The following DNER variants were observed in gnomAD, a reference collection of about 807,000 sequenced individuals.
DNER encodes the protein delta/notch like EGF repeat containing.
Under a neutral mutation model 78.2 loss-of-function variants are expected in DNER, and 33 were observed. That is an observed-to-expected ratio of 0.42 (90% CI 0.32 to 0.56). The LOEUF is 0.56. DNER is among the 20% of genes least tolerant of loss of function. The pLI, the probability that DNER is intolerant of heterozygous loss-of-function variation, is 0.11. For synonymous variants in DNER, 417 were observed against 384.8 expected (o/e 1.08, Z -0.98); for missense variants, 918 against 975.3 (o/e 0.94, Z 0.78).
chr2:229,447,233 G>A, intron 8 of DNER, 83 bp downstream of exon 8: 3 of 1,355,474 alleles, frequency 2.2e-6, no homozygotes, highest in Non-Finnish European at 3.0e-6. Context: ...AGTATACCAA[G>A]ATGCAAAAGA....
At chr2:229,442,125 A>G (rs1219033666) in intron 8 of DNER, among the ~76,000 whole-genome samples, 3 of 152,194 alleles carry the variant, frequency 2.0e-5, no homozygotes, top group Non-Finnish European at 2.9e-5. Context: ...CAGGATTAGG[A>G]TCTGGAGGAA....
At chr2:229,456,928 A>T (rs1694587565) in intron 7 of DNER, among the ~76,000 whole-genome samples, 1 of 152,112 alleles carries the variant, frequency 6.6e-6, no homozygotes, top group African/African-American at 2.4e-5. Context: ...AAGAAAAAAA[A>T]AGACATGATA....
At chr2:229,499,385 C>T (rs1287657883) in intron 6 of DNER, among the ~76,000 whole-genome samples, 2 of 143,968 alleles carry the variant, frequency 1.4e-5, no homozygotes, top group East Asian at 2.0e-4. Flanking sequence ...GCAGAGGTCA[C>T]AGTGAGCCAA....
intron 6 of DNER, among the ~76,000 whole-genome samples, chr2:229,477,929 A>G (rs1695071270): frequency 6.6e-6 from 1 of 152,246 alleles, no homozygotes. Context: ...GTGAGGAAAT[A>G]AGGATGTAAA....
At position 229,361,028 on chromosome 2, in the gene DNER, G is replaced by A. The variant is rs140285156; in HGVS notation, c.2103-2377C>T. 3.6e-3 allele frequency among the ~76,000 whole-genome samples: 545 copies of A among 152,286 alleles called. 3 individuals are homozygous for A. Among genetic ancestry groups the A allele is most frequent in the African/African-American group, 0.013 (527 of 41,550 alleles). ...CAAATTCCTTAGGAGAATTTTGGAGGTTTCCACCTGAAATGCTGTATCTAC... is the reference window on the plus strand; with the variant it reads ...CAAATTCCTTAGGAGAATTTTGGAGATTTCCACCTGAAATGCTGTATCTAC... On this transcript the variant is annotated intron_variant, in intron 12 of 12. Coordinates refer to ENST00000341772, the MANE Select transcript of DNER (RefSeq NM_139072.4).
rs560142885 is a variant in DNER, at chr2:229,694,993, G to A, written c.276+19155C>T. Among the ~76,000 whole-genome samples, 264 of 152,218 alleles carry A rather than the reference G, an allele frequency of 1.7e-3. 2 individuals are homozygous for A. The highest frequency in any genetic ancestry group is 1.0e-4 in the Non-Finnish European group (7 of 68,000). ...AGTTCCCATAATCCCCATATGTTAC[G>A]GGAGGGCCCCCCCTGCTGCTCTTTT... On this transcript the variant is annotated intron_variant, in intron 1 of 12. Coordinates refer to ENST00000341772, the MANE Select transcript of DNER (RefSeq NM_139072.4).
At chr2:229,358,737 A>T in intron 12 of DNER, 86 bp from the exon 13 acceptor site, 1 of 1,061,432 alleles carries the variant, frequency 9.4e-7, no homozygotes, top group Non-Finnish European at 1.4e-6. Flanking sequence ...ATTTATATGC[A>T]TGAATTAAAT....
intron 11 of DNER, among the ~76,000 whole-genome samples, chr2:229,374,766 T>A (rs1692561217): frequency 3.9e-5 from 6 of 152,024 alleles, no homozygotes; most frequent in Admixed American, 3.9e-4. Flanking sequence ...TAGAAATCAA[T>A]GTAATGGGGC....
chr2:229,652,756 T>C (rs1291680675), intron 1 of DNER, among the ~76,000 whole-genome samples: 1 of 152,164 alleles, frequency 6.6e-6, no homozygotes, highest in African/African-American at 2.4e-5. Flanking sequence ...GGTGTGGAAA[T>C]ACAGGAATCA....
chr2:229,629,958 C>T (rs1040218731), intron 1 of DNER, among the ~76,000 whole-genome samples: 4 of 152,200 alleles, frequency 2.6e-5, no homozygotes, highest in Admixed American at 2.6e-4. Flanking sequence ...GAAAATATGT[C>T]TCAAATTAGG....
At chr2:229,624,553 C>A (rs1698304820) in intron 1 of DNER, among the ~76,000 whole-genome samples, 1 of 151,840 alleles carries the variant, frequency 6.6e-6, no homozygotes, top group South Asian at 2.1e-4. Flanking sequence ...TTCTCCAAAA[C>A]CAGAAATACA....
intron 6 of DNER, among the ~76,000 whole-genome samples, chr2:229,512,167 G>A (rs962383421): frequency 6.6e-6 from 1 of 152,188 alleles, no homozygotes; most frequent in Non-Finnish European, 1.5e-5. Context: ...TGGATCACCT[G>A]AGGTCAGAAG....
intron 1 of DNER, among the ~76,000 whole-genome samples, chr2:229,710,809 A>C (rs532595244): frequency 7.9e-5 from 12 of 152,254 alleles, no homozygotes; most frequent in African/African-American, 2.9e-4. Flanking sequence ...GAGCATTTGA[A>C]ATATGTGCAG....
At chr2:229,491,141 G>A (rs2080802) in intron 6 of DNER, among the ~76,000 whole-genome samples, 18,975 of 152,162 alleles carry the variant, frequency 0.12, 1,324 homozygotes, top group South Asian at 0.2. Context: ...TCTCATCATA[G>A]GTTCTCTCGG....
intron 1 of DNER, among the ~76,000 whole-genome samples, chr2:229,711,460 G>T (rs1699911451): frequency 6.6e-6 from 1 of 152,070 alleles, no homozygotes; most frequent in South Asian, 2.1e-4. Flanking sequence ...CATGACTCAG[G>T]TGACAAAAGA....
chr2:229,605,454 CT>C (rs1487542877), intron 1 of DNER, among the ~76,000 whole-genome samples: 3 of 152,148 alleles, frequency 2.0e-5, no homozygotes, highest in Admixed American at 1.3e-4. Flanking sequence ...CAAATTATCT[CT>C]TTTAAATGCA....
rs940855421 is a variant in DNER, at chr2:229,714,277, G to A, written c.147C>T (p.Ala49=). Residue 49 remains alanine, a synonymous_variant, in exon 1 of 13, where the codon GCC becomes GCT. Coordinates refer to ENST00000341772, the MANE Select transcript of DNER (RefSeq NM_139072.4). ...CACCCCCATTCCGGCAGGGCTGCGC[G>A]GCGCACGGCCCGGGCGCAGACAGGG... is the stretch of plus-strand genomic sequence containing the variant. The part of the protein sequence containing the change: ...AAPLSAPGPC[A]AQPCRNGGVC... 9 of 1,382,440 alleles carry A rather than the reference G, an allele frequency of 6.5e-6. No homozygotes were observed. In the Middle Eastern group the frequency reaches 1.1e-3, roughly 162 times the overall value. 85.6% of individuals were successfully genotyped at this position (1,382,440 alleles called of 1,614,324 possible).
At chr2:229,623,967 A>ACAG (rs1698294218) in intron 1 of DNER, among the ~76,000 whole-genome samples, 1 of 152,234 alleles carries the variant, frequency 6.6e-6, no homozygotes, top group Non-Finnish European at 1.5e-5. Flanking sequence ...TGAATAACCA[A>ACAG]CAGCCATGGT....
At chr2:229,399,223 C>T (rs1213863106) in intron 10 of DNER, among the ~76,000 whole-genome samples, 2 of 151,082 alleles carry the variant, frequency 1.3e-5, no homozygotes, top group African/African-American at 4.9e-5. Context: ...TCACAGGATA[C>T]AATTTAAACA....
Sources: gnomAD v4.1 joint callset for allele counts (sites outside exome capture counted in the v4.1 genomes callset) on GRCh38, gnomAD v4.1.1 for gene constraint, MANE v1.5 for transcripts, NCBI Gene and HGNC (gene_info 2026-07-23, HGNC 2026-07-21) for gene names.